The following DDX60L variants were observed in gnomAD, a reference collection of about 807,000 sequenced individuals.
DDX60L encodes the protein probable ATP-dependent RNA helicase DDX60-like.
A neutral mutation model predicts 211.6 loss-of-function variants in DDX60L; 191 were observed. The observed-to-expected ratio is 0.90, with a 90% confidence interval of 0.80 to 1.02. The LOEUF is 1.02. DDX60L is among the 50% of genes least tolerant of loss of function. DDX60L has a pLI of 0.00. For synonymous variants in DDX60L, 706 were observed against 694.1 expected (o/e 1.02, Z -0.27); for missense variants, 2,007 against 1,984.1 (o/e 1.01, Z -0.22).
intron 4 of DDX60L, 199 bp downstream of exon 4, chr4:168,471,548 G>GA: frequency 2.3e-6 from 1 of 428,514 alleles, no homozygotes; most frequent in Non-Finnish European, 4.0e-6. Context: ...AGAGTTGAGG[G>GA]AAAAAAATTT....
chr4:168,438,442 G>A (rs1276954160), intron 10 of DDX60L, among the ~76,000 whole-genome samples: 1 of 151,964 alleles, frequency 6.6e-6, no homozygotes, highest in Non-Finnish European at 1.5e-5. Flanking sequence ...TATTAGCTAA[G>A]AATAAACCTC....
intron 37 of DDX60L, 29 bp downstream of exon 37, chr4:168,361,120 G>A (rs976126707): frequency 1.3e-6 from 2 of 1,523,684 alleles, no homozygotes; most frequent in African/African-American, 1.4e-5. Flanking sequence ...TTAAATAATT[G>A]AGAAAATCAA....
intron 8 of DDX60L, among the ~76,000 whole-genome samples, chr4:168,452,561 C>G (rs59097422): frequency 6.6e-6 from 1 of 151,712 alleles, no homozygotes; most frequent in Admixed American, 6.6e-5. Flanking sequence ...TATGTACTCA[C>G]AAAAATTAAA....
At chr4:168,466,652 C>G (rs532934163) in intron 4 of DDX60L, among the ~76,000 whole-genome samples, 2 of 152,150 alleles carry the variant, frequency 1.3e-5, no homozygotes, top group East Asian at 3.9e-4. Context: ...CTGACCAGTC[C>G]CCTCCTGTTA....
At chr4:168,449,471 C>A (rs1384713305) in intron 8 of DDX60L, among the ~76,000 whole-genome samples, 1 of 32,296 alleles carries the variant, frequency 3.1e-5, no homozygotes, top group Non-Finnish European at 5.4e-5. Context: ...GTGGTGGGGT[C>A]GGGGGAGGGG....
chr4:168,363,394 C>T (rs562030871), intron 36 of DDX60L, among the ~76,000 whole-genome samples: 17 of 152,254 alleles, frequency 1.1e-4, no homozygotes, highest in South Asian at 2.1e-4. Flanking sequence ...GAAGTAAATT[C>T]GTAATCAAAT....
chr4:168,456,312 T>C (rs1756564264), intron 6 of DDX60L, among the ~76,000 whole-genome samples, 160 bp from the exon 7 acceptor site: 1 of 152,100 alleles, frequency 6.6e-6, no homozygotes, highest in Non-Finnish European at 1.5e-5. Context: ...ATTTTAATGA[T>C]AGAAAATTGA....
rs780207446 is a variant in DDX60L at position 168,391,681 on chromosome 4, T to C, written c.3811-37A>G. 4.5e-6 allele frequency: 5 copies of C among 1,111,936 alleles called. No homozygotes were observed. The Admixed American group carries it at 7.8e-5, about 17-fold the overall frequency. The allele number at this position is 1,111,936 out of a possible 1,614,324, so 68.9% of individuals were successfully genotyped here. A position where few individuals can be genotyped will look rare whatever the true frequency, so the allele number is the denominator to read the frequency against. ...AAAAAAAAACAGTCAATACACAATA[T>C]AGCATATCTATAAGGACACAAGATC... On this transcript the variant is annotated intron_variant, in intron 28 of 37. Coordinates refer to ENST00000682922, the MANE Select transcript of DDX60L (RefSeq NM_001012967.3).
chr4:168,407,491 AC>A (rs1243794735), intron 22 of DDX60L, among the ~76,000 whole-genome samples: 2 of 152,200 alleles, frequency 1.3e-5, no homozygotes, highest in Admixed American at 1.3e-4. Flanking sequence ...TAACATCTAA[AC>A]CGTAACACCA....
rs28450372 is a variant in DDX60L, at chr4:168,400,936, G to A, written c.3381C>T (p.Cys1127=). 2,576 of 1,613,594 alleles carry A rather than the reference G, an allele frequency of 1.6e-3. 45 individuals carry two copies. In the African/African-American group the frequency reaches 0.03, roughly 19 times the overall value. ...DDVGKRAGSV[C]TFLEKTETKS... The stretch of plus-strand genomic sequence containing the variant: ...TTGTCTCTGTCTTCTCCAGAAAAGT[G>A]CACACACTTCCAGCTCTTTTTCCCA... Residue 1127 remains cysteine (C), a synonymous_variant, in exon 26 of 38, where the codon TGC becomes TGT. Coordinates refer to ENST00000682922, the MANE Select transcript of DDX60L (RefSeq NM_001012967.3).
chr4:168,385,387 C>G (rs929585549), intron 29 of DDX60L, among the ~76,000 whole-genome samples: 5 of 152,192 alleles, frequency 3.3e-5, no homozygotes, highest in African/African-American at 9.6e-5. Flanking sequence ...CCCCTTGACC[C>G]ATACCTTGCC....
At chr4:168,468,170 T>TAATAAATAAATAAATAAATAAATAAATA (rs74385831) in intron 4 of DDX60L, among the ~76,000 whole-genome samples, 2 of 150,118 alleles carry the variant, frequency 1.3e-5, no homozygotes, top group Non-Finnish European at 1.5e-5. Flanking sequence ...CCATCTCAAA[T>TAATAAATAAATAAATAAATAAATAAATA]AATAAATAAA....
intron 13 of DDX60L, among the ~76,000 whole-genome samples, chr4:168,430,090 T>C (rs1340199612): frequency 1.3e-5 from 2 of 152,052 alleles, no homozygotes; most frequent in Non-Finnish European, 2.9e-5. Context: ...TCCCAGCTAC[T>C]TGGGAGGCTG....
At chr4:168,414,725 A>G (rs965404138) in intron 22 of DDX60L, among the ~76,000 whole-genome samples, 3 of 152,118 alleles carry the variant, frequency 2.0e-5, no homozygotes, top group African/African-American at 7.2e-5. Flanking sequence ...ATGGAATTGG[A>G]TGTCACTATG....
At chr4:168,362,505 A>G (rs749653412) in intron 36 of DDX60L, among the ~76,000 whole-genome samples, 2 of 152,314 alleles carry the variant, frequency 1.3e-5, no homozygotes, top group Non-Finnish European at 2.9e-5. Context: ...ACTTCTCTGG[A>G]GAGTCCACCA....
rs1752192401 is a variant in DDX60L at position 168,430,570 on chromosome 4, TC to T, written c.1584del (p.Lys529AsnfsTer3). Reference sequence around the variant, plus strand: ...TTCGTAGAGATTGATTCTAACGATTTCCCATAAAATTGCTGATAATCCTGAA... The same window carrying T: ...TTCGTAGAGATTGATTCTAACGATTTCCATAAAATTGCTGATAATCCTGAA... ...KKIQDYQQFY[G>X]KSLESISTKV... is the part of the protein sequence containing the mutation. On this transcript the variant is annotated frameshift_variant, in exon 13 of 38. Coordinates refer to ENST00000682922, the MANE Select transcript of DDX60L (RefSeq NM_001012967.3). LOFTEE classifies it high-confidence loss of function. 2.5e-6 allele frequency: 4 copies of T among 1,605,540 alleles called. No individual in the cohort carries two copies. Among genetic ancestry groups the T allele is most frequent in the Admixed American group, 1.7e-5 (1 of 58,788 alleles).
chr4:168,366,597 C>T (rs1335870639), intron 36 of DDX60L, among the ~76,000 whole-genome samples: 1 of 146,444 alleles, frequency 6.8e-6, no homozygotes, highest in Non-Finnish European at 1.5e-5. Context: ...CATTAAAATA[C>T]CAATGACATT....
chr4:168,358,198 A>C lies in DDX60L; in HGVS notation c.5070T>G (p.Tyr1690Ter), dbSNP rs757247134. The C allele has an allele frequency of 1.2e-6, 2 of 1,607,520 alleles. No homozygotes were observed. Among genetic ancestry groups the C allele is most frequent in the African/African-American group, 2.7e-5 (2 of 74,688 alleles). The change falls in exon 38 of 38, where the codon TAT (tyrosine) becomes TAG (stop). Residue 1690 changes from tyrosine (Y) to a stop codon, truncating the protein, a stop_gained. Coordinates refer to ENST00000682922, the MANE Select transcript of DDX60L (RefSeq NM_001012967.3). LOFTEE classifies it low-confidence loss of function (END_TRUNC). ...GAATTTGCATTTCTTGAAGTTTCTCATAAAAGGTTTGACTCAATTGTTTAA... is the reference window on the plus strand; with the variant it reads ...GAATTTGCATTTCTTGAAGTTTCTCCTAAAAGGTTTGACTCAATTGTTTAA... ...LAFKQLSQTF[Y>*]EKLQEMQIQM...
At chr4:168,363,041 G>T (rs1382925751) in intron 36 of DDX60L, among the ~76,000 whole-genome samples, 1 of 152,072 alleles carries the variant, frequency 6.6e-6, no homozygotes, top group Admixed American at 6.6e-5. Flanking sequence ...CAAAGACAAA[G>T]AATTCTAAAT....
Sources: gnomAD v4.1 joint callset for allele counts (sites outside exome capture counted in the v4.1 genomes callset) on GRCh38, gnomAD v4.1.1 for gene constraint, MANE v1.5 for transcripts, NCBI Gene and HGNC (gene_info 2026-07-23, HGNC 2026-07-21) for gene names.